The following SLC8A1 variants were observed in gnomAD, a reference collection of about 807,000 sequenced individuals.
SLC8A1 encodes sodium/calcium exchanger 1.
Under a neutral mutation model 68.3 loss-of-function variants are expected in SLC8A1, and 18 were observed. That is an observed-to-expected ratio of 0.26 (90% confidence interval 0.18 to 0.39). The LOEUF (loss-of-function observed/expected upper bound fraction) is 0.39. Ranked by LOEUF, SLC8A1 falls within the 10% of genes least tolerant of loss-of-function variation. The probability of loss-of-function intolerance (pLI) is 1.00; values close to 1 mark genes in which losing one functional copy is unlikely to be tolerated. For missense variants in SLC8A1, 985 were observed against 1,156.7 expected (o/e 0.85, Z 2.15); for synonymous variants, 475 against 415.5 (o/e 1.14, Z -1.74).
intron 2 of SLC8A1, among the ~76,000 whole-genome samples, chr2:40,273,942 C>G (rs1349733782): frequency 6.7e-6 from 1 of 148,850 alleles, no homozygotes; most frequent in Non-Finnish European, 1.5e-5. Flanking sequence ...GCTTCTACTT[C>G]ACCAGGGGGC....
intron 2 of SLC8A1, among the ~76,000 whole-genome samples, chr2:40,304,771 G>T (rs1018702155): frequency 6.6e-6 from 1 of 152,104 alleles, no homozygotes; most frequent in South Asian, 2.1e-4. Context: ...TGCAACTGGG[G>T]CTCTGAGATC....
intron 2 of SLC8A1, among the ~76,000 whole-genome samples, chr2:40,365,904 C>T (rs1470839867): frequency 6.6e-6 from 1 of 151,284 alleles, no homozygotes; most frequent in Non-Finnish European, 1.5e-5. Context: ...GAGGCTGAGG[C>T]AGGACTGATT....
At chr2:40,428,261 T>C (rs1313801170) in intron 2 of SLC8A1, among the ~76,000 whole-genome samples, 3 of 152,118 alleles carry the variant, frequency 2.0e-5, no homozygotes, top group African/African-American at 7.2e-5. Flanking sequence ...AAAATTCTGA[T>C]GTAAATAAAT....
chr2:40,422,249 T>A (rs1178759336), intron 2 of SLC8A1, among the ~76,000 whole-genome samples: 2 of 149,522 alleles, frequency 1.3e-5, no homozygotes, highest in African/African-American at 5.1e-5. Context: ...AATAAGGGAC[T>A]AATCGATGTT....
intron 2 of SLC8A1, among the ~76,000 whole-genome samples, chr2:40,203,435 G>A (rs2054784804): frequency 6.6e-6 from 1 of 151,886 alleles, no homozygotes; most frequent in East Asian, 1.9e-4. Flanking sequence ...GGATTTGATT[G>A]CCAGCAAAAC....
upstream of SLC8A1, among the ~76,000 whole-genome samples, chr2:40,453,676 T>G (rs973802688): frequency 1.3e-5 from 2 of 152,224 alleles, no homozygotes; most frequent in African/African-American, 4.8e-5. Flanking sequence ...GGTTGATTCC[T>G]ATGTGCAATG....
intron 2 of SLC8A1, among the ~76,000 whole-genome samples, chr2:40,426,608 G>T (rs1382651208): frequency 2.0e-5 from 3 of 151,980 alleles, no homozygotes; most frequent in African/African-American, 7.2e-5. Context: ...CTGCTTTTCA[G>T]ATAAACCAGT....
At chr2:40,310,178 T>C (rs958667079) in intron 2 of SLC8A1, among the ~76,000 whole-genome samples, 3 of 152,224 alleles carry the variant, frequency 2.0e-5, no homozygotes, top group Admixed American at 2.0e-4. Context: ...TAATGAGGTG[T>C]TGAAGCTTTT....
intron 1 of SLC8A1, among the ~76,000 whole-genome samples, chr2:40,502,843 C>T (rs1032667256): frequency 1.3e-5 from 2 of 152,010 alleles, no homozygotes; most frequent in Admixed American, 6.6e-5. Context: ...CCACTGATTT[C>T]AGAACAAAGT....
intron 6 of SLC8A1, among the ~76,000 whole-genome samples, chr2:40,156,387 G>C (rs1382310342): frequency 7.4e-6 from 1 of 134,632 alleles, no homozygotes; most frequent in Admixed American, 8.2e-5. Context: ...TCACTTTTGA[G>C]TATTCTTTCG....
At chr2:40,137,376 T>C (rs1263549048) in intron 7 of SLC8A1, among the ~76,000 whole-genome samples, 8 of 152,190 alleles carry the variant, frequency 5.3e-5, no homozygotes, top group African/African-American at 1.7e-4. Context: ...AAACTGCTGA[T>C]TTTGGACAAT....
At chr2:40,330,623 G>A (rs1252503734) in intron 2 of SLC8A1, among the ~76,000 whole-genome samples, 1 of 152,108 alleles carries the variant, frequency 6.6e-6, no homozygotes, top group Non-Finnish European at 1.5e-5. Flanking sequence ...ATTATAAAGA[G>A]AGGTAATTGT....
chr2:40,332,020 G>C (rs961634160), intron 2 of SLC8A1, among the ~76,000 whole-genome samples: 1 of 151,996 alleles, frequency 6.6e-6, no homozygotes, highest in Non-Finnish European at 1.5e-5. Context: ...TGTGATCACA[G>C]TTCACTGTAA....
At chr2:40,139,799 G>T in intron 6 of SLC8A1, 123 bp from the exon 10 acceptor site, 1 of 982,346 alleles carries the variant, frequency 1.0e-6, no homozygotes, top group Admixed American at 2.3e-5. Flanking sequence ...ATGAGAGGTG[G>T]GTGAAGTTTA....
At chr2:40,400,073 G>C (rs1688240313) in intron 2 of SLC8A1, among the ~76,000 whole-genome samples, 1 of 152,176 alleles carries the variant, frequency 6.6e-6, no homozygotes. Flanking sequence ...CGTACCCGCT[G>C]CTTGCTCAAT....
chr2:40,443,154 T>C (rs143432427), intron 1 of SLC8A1, among the ~76,000 whole-genome samples: 24 of 152,158 alleles, frequency 1.6e-4, no homozygotes, highest in Non-Finnish European at 3.1e-4. Flanking sequence ...ACCTAACGCA[T>C]GCAGAGCTTA....
In SLC8A1 at chr2:40,363,202, G is replaced by C. The variant is rs558417093; in HGVS notation, c.1808+65271C>G. On this transcript the variant is annotated intron_variant, in intron 2 of 7. Transcript: ENST00000406785. Reference sequence around the variant, plus strand: ...TTTCACCATATAAGTTAAGCTCAGAGATAAGATTCATTCAACATGCTTTAT... The same window carrying C: ...TTTCACCATATAAGTTAAGCTCAGACATAAGATTCATTCAACATGCTTTAT... 8.5e-5 allele frequency among the ~76,000 whole-genome samples: 13 copies of C among 152,214 alleles called. No individual in the cohort carries two copies. The South Asian group carries it at 2.7e-3, about 32-fold the overall frequency.
chr2:40,406,673 A>C (rs1324153144), intron 2 of SLC8A1, among the ~76,000 whole-genome samples: 1 of 152,116 alleles, frequency 6.6e-6, no homozygotes. Flanking sequence ...TCTGTTACTC[A>C]AGGCTGTGTG....
chr2:40,242,033 C>T (rs1478729468), intron 2 of SLC8A1, among the ~76,000 whole-genome samples: 2 of 152,086 alleles, frequency 1.3e-5, no homozygotes, highest in Admixed American at 6.6e-5. Context: ...CGGGGCAGAT[C>T]TCCAGAAAAT....
Sources: allele counts gnomAD v4.1 joint callset (sites outside exome capture counted in the v4.1 genomes callset), GRCh38; gene constraint gnomAD v4.1.1; transcripts MANE v1.5; gene names NCBI Gene and HGNC (gene_info 2026-07-23, HGNC 2026-07-21).